The following DOCK1 variants were observed in gnomAD, a reference collection of about 807,000 sequenced individuals.
The protein encoded by DOCK1 is dedicator of cytokinesis 1.
In DOCK1, 138 loss-of-function variants were observed where a neutral mutation model predicts 262.7. The observed-to-expected ratio is 0.53, with a 90% CI of 0.46 to 0.61. DOCK1 has a LOEUF of 0.61. Among genes scored for constraint, DOCK1 ranks in the 20% least tolerant of loss-of-function variants. The pLI, the probability that DOCK1 is intolerant of heterozygous loss-of-function variation, is 0.00. For missense variants in DOCK1, 1,908 were observed against 2,370.7 expected, an observed-to-expected ratio of 0.80 and a Z score of 4.05; for synonymous variants, 866 against 867.4, an observed-to-expected ratio of 1.00 and a Z score of 0.03.
At chr10:126,906,756 C>A in intron 1 of DOCK1, among the ~76,000 whole-genome samples, 1 of 152,182 alleles carries the variant, frequency 6.6e-6, no homozygotes, top group South Asian at 2.1e-4. Flanking sequence ...AGCCCTTGTC[C>A]CCGGAGCGCT....
At chr10:127,352,178 G>GCAAA in intron 31 of DOCK1, among the ~76,000 whole-genome samples, 1 of 138,790 alleles carries the variant, frequency 7.2e-6, no homozygotes, top group South Asian at 2.5e-4. Context: ...GGAGCATCGG[G>GCAAA]GAGGGGTGGG....
chr10:127,283,770 A>G (rs1399116493), intron 29 of DOCK1, among the ~76,000 whole-genome samples: 1 of 152,182 alleles, frequency 6.6e-6, no homozygotes, highest in Non-Finnish European at 1.5e-5. Context: ...ATAACTTGTC[A>G]GTACATTGTA....
chr10:127,222,169 T>G (rs555412237), intron 27 of DOCK1, among the ~76,000 whole-genome samples: 31 of 152,332 alleles, frequency 2.0e-4, no homozygotes, highest in South Asian at 1.5e-3. Flanking sequence ...AGTGGCTGCA[T>G]CTGAGCTGCC....
Position 127,176,197 on chromosome 10 carries a change from C to T in DOCK1, c.2847+48433C>T, listed in dbSNP as rs2055124242. ...GCCTCCCGCTTCTCCCCCAGCTGGC[C>T]CGAGGACAGCTGTGTGTCCCTCTGC... On this transcript the variant is annotated intron_variant, in intron 27 of 51. Coordinates refer to ENST00000623213, the MANE Select transcript of DOCK1 (RefSeq NM_001290223.2). This position sits in a 1 kb window ranked among gnomAD's most constrained non-coding sequence, Gnocchi z 4.4. 6.2e-7 allele frequency: 1 copy of T among 1,613,992 alleles called. No individual in the cohort carries two copies. The highest frequency in any genetic ancestry group is 1.3e-5 in the African/African-American group (1 of 74,900).
At chr10:127,426,247 A>G (rs562831180) in intron 47 of DOCK1, among the ~76,000 whole-genome samples, 21 of 152,358 alleles carry the variant, frequency 1.4e-4, no homozygotes, top group African/African-American at 4.6e-4. Context: ...TTCCTTGATT[A>G]CCAAATGCCC....
intron 27 of DOCK1, among the ~76,000 whole-genome samples, chr10:127,213,348 G>A (rs968094084): frequency 2.6e-5 from 4 of 152,148 alleles, no homozygotes; most frequent in African/African-American, 7.2e-5. Flanking sequence ...CTAATGCTTT[G>A]GAAAGGTTCT....
chr10:127,359,466 T>G (rs2064305925), intron 32 of DOCK1, among the ~76,000 whole-genome samples: 1 of 152,204 alleles, frequency 6.6e-6, no homozygotes, highest in Non-Finnish European at 1.5e-5. Flanking sequence ...GATGAACAAC[T>G]CGCTGTCACC....
intron 48 of DOCK1, among the ~76,000 whole-genome samples, chr10:127,435,176 T>C (rs548191955): frequency 6.6e-6 from 1 of 152,330 alleles, no homozygotes; most frequent in Admixed American, 6.5e-5. Flanking sequence ...AAGTTTGTTC[T>C]TCTACAAAAA....
At chr10:127,445,496 A>G (rs888021044) in intron 50 of DOCK1, among the ~76,000 whole-genome samples, 2 of 152,216 alleles carry the variant, frequency 1.3e-5, no homozygotes, top group African/African-American at 4.8e-5. Flanking sequence ...GCATCTTCAC[A>G]TCCTTGCACT....
chr10:127,374,537 G>A (rs75482471), intron 35 of DOCK1, among the ~76,000 whole-genome samples: 3 of 152,134 alleles, frequency 2.0e-5, no homozygotes, highest in Non-Finnish European at 2.9e-5. Flanking sequence ...CCATAAACGC[G>A]TGCTATGTAG....
intron 13 of DOCK1, among the ~76,000 whole-genome samples, chr10:127,019,772 G>A (rs953390709): frequency 6.6e-6 from 1 of 152,152 alleles, no homozygotes; most frequent in Non-Finnish European, 1.5e-5. Flanking sequence ...CTTGAACCAC[G>A]TGAGGCTCTT....
chr10:126,949,522 C>T (rs1433681307), intron 1 of DOCK1, among the ~76,000 whole-genome samples: 1 of 152,110 alleles, frequency 6.6e-6, no homozygotes, highest in Non-Finnish European at 1.5e-5. Flanking sequence ...TTTCCCAGGG[C>T]ATCAGTACAT....
At chr10:127,230,785 T>C (rs2058813136) in intron 27 of DOCK1, among the ~76,000 whole-genome samples, 1 of 151,130 alleles carries the variant, frequency 6.6e-6, no homozygotes, top group Non-Finnish European at 1.5e-5. Flanking sequence ...TTTTTTGTTT[T>C]TTTGTTTGTT....
At chr10:127,441,634 G>T (rs775186234) in intron 49 of DOCK1, among the ~76,000 whole-genome samples, 3 of 152,090 alleles carry the variant, frequency 2.0e-5, no homozygotes, top group Non-Finnish European at 2.9e-5. Context: ...GGAGGTGCGG[G>T]GGAGGAGGTT....
intron 38 of DOCK1, among the ~76,000 whole-genome samples, chr10:127,393,525 A>G (rs1461275081): frequency 6.6e-6 from 1 of 152,158 alleles, no homozygotes; most frequent in Non-Finnish European, 1.5e-5. Context: ...TTAAGGGAGC[A>G]GGGGTCCCCA....
At chr10:127,253,570 A>G (rs970153457) in intron 28 of DOCK1, among the ~76,000 whole-genome samples, 10 of 152,160 alleles carry the variant, frequency 6.6e-5, no homozygotes, top group Admixed American at 5.9e-4. Flanking sequence ...AATACAGAAA[A>G]GCTGAAAGAA....
chr10:127,056,568 C>T (rs1044582481), intron 22 of DOCK1, among the ~76,000 whole-genome samples: 14 of 152,076 alleles, frequency 9.2e-5, no homozygotes, highest in Admixed American at 8.5e-4. Context: ...TAGCTTCTTC[C>T]TTCTCTCCTC....
chr10:127,037,387 T>C (rs906164066), intron 18 of DOCK1, among the ~76,000 whole-genome samples: 1 of 152,262 alleles, frequency 6.6e-6, no homozygotes, highest in Admixed American at 6.5e-5. Flanking sequence ...GCTTTCTGGG[T>C]GAGCAGGCCT....
Position 127,409,706 on chromosome 10 carries a change from C to T in DOCK1, c.4343+315C>T, listed in dbSNP as rs115773813. On this transcript the variant is annotated intron_variant, in intron 42 of 51. Coordinates refer to ENST00000623213, the MANE Select transcript of DOCK1 (RefSeq NM_001290223.2). Reference sequence around the variant, plus strand: ...AGACCTGCCCTGTGGGGTACAATCCCCTAGGGAACTTCACAGCAGTGCACA... The same window carrying T: ...AGACCTGCCCTGTGGGGTACAATCCTCTAGGGAACTTCACAGCAGTGCACA... Among the ~76,000 whole-genome samples the T allele has an allele frequency of 3.1e-3, 477 of 152,280 alleles. 3 individuals carry two copies. The highest frequency in any genetic ancestry group is 9.5e-3 in the African/African-American group (394 of 41,552).
Sources: allele counts gnomAD v4.1 joint callset (sites outside exome capture counted in the v4.1 genomes callset), GRCh38; gene constraint gnomAD v4.1.1; non-coding constraint Gnocchi (gnomAD v3.1); transcripts MANE v1.5; gene names NCBI Gene and HGNC (gene_info 2026-07-23, HGNC 2026-07-21).